ANTXR1: variants seen among roughly 807,000 people sequenced by gnomAD.
ANTXR1 encodes anthrax toxin receptor 1.
ANTXR1 carries 19 observed loss-of-function variants against 78.1 expected under a neutral mutation model. The ratio of observed to expected loss-of-function variants is 0.24; its 90% CI spans 0.17 to 0.36. The LOEUF is 0.36. Among genes scored for constraint, ANTXR1 ranks in the 10% least tolerant of loss-of-function variants. The probability of loss-of-function intolerance (pLI) is 1.00; values close to 1 mark genes in which losing one functional copy is unlikely to be tolerated. For missense variants in ANTXR1, 518 were observed against 718.6 expected, an observed-to-expected ratio of 0.72 and a Z score of 3.19; for synonymous variants, 273 against 260.5, an observed-to-expected ratio of 1.05 and a Z score of -0.46.
At chr2:69,238,660 A>T (rs1675827330) in intron 17 of ANTXR1, among the ~76,000 whole-genome samples, 1 of 152,228 alleles carries the variant, frequency 6.6e-6, no homozygotes, top group Admixed American at 6.5e-5. Flanking sequence ...TGGGAAACCT[A>T]ATTCATTAGT....
chr2:69,159,725 C>G (rs1673627350), intron 13 of ANTXR1, among the ~76,000 whole-genome samples: 1 of 152,104 alleles, frequency 6.6e-6, no homozygotes, highest in South Asian at 2.1e-4. Context: ...AAATTGTTCT[C>G]CCTGTCTTGT....
chr2:69,134,717 C>T (rs1219138123), intron 12 of ANTXR1, among the ~76,000 whole-genome samples: 1 of 152,196 alleles, frequency 6.6e-6, no homozygotes, highest in Non-Finnish European at 1.5e-5. Context: ...GTTGGTGATA[C>T]TGGAGACAAC....
intron 12 of ANTXR1, among the ~76,000 whole-genome samples, chr2:69,143,328 GGGAAGGAAGAGA>G (rs1401658432): frequency 1.3e-5 from 2 of 152,180 alleles, no homozygotes. Flanking sequence ...TGTCATATTG[GGGAAGGAAGAGA>G]GGGAGGAAAA....
intron 13 of ANTXR1, among the ~76,000 whole-genome samples, chr2:69,160,052 C>T (rs1156259813): frequency 6.6e-6 from 1 of 152,240 alleles, no homozygotes; most frequent in Non-Finnish European, 1.5e-5. Context: ...CAGGCAACTT[C>T]TGATGCAGGC....
rs112183927 is a variant in ANTXR1, at chr2:69,124,202, T to C, written c.873-363T>C. ...TTATAGTTAGCCCAGTCTACCCCCA[T>C]TGACTTGGACTATTTTTGAAGAATA... On this transcript the variant is annotated intron_variant, in intron 11 of 17. Coordinates refer to ENST00000303714, the MANE Select transcript of ANTXR1 (RefSeq NM_032208.3). Among the ~76,000 whole-genome samples the C allele has an allele frequency of 9.3e-4, 142 of 152,302 alleles. 1 individual carries two copies. The highest frequency in any genetic ancestry group is 1.5e-3 in the South Asian group (7 of 4,826).
intron 1 of ANTXR1, among the ~76,000 whole-genome samples, chr2:69,032,519 C>T (rs978560910): frequency 2.6e-5 from 4 of 152,130 alleles, no homozygotes; most frequent in Non-Finnish European, 5.9e-5. Context: ...CGATGTTGAC[C>T]CATCCCCCTT....
At chr2:69,098,699 A>G (rs1671507793) in intron 9 of ANTXR1, among the ~76,000 whole-genome samples, 2 of 152,216 alleles carry the variant, frequency 1.3e-5, no homozygotes, top group Non-Finnish European at 2.9e-5. Flanking sequence ...AAAAGGTACA[A>G]TTCAGGCCAG....
At chr2:69,020,394 CTGTTTTGTTTTGTTTTGTTT>C (rs57902226) in intron 1 of ANTXR1, among the ~76,000 whole-genome samples, 2 of 151,186 alleles carry the variant, frequency 1.3e-5, no homozygotes, top group South Asian at 4.2e-4. Context: ...TAAGGCAAAA[CTGTTTTGTTTTGTTTTGTTT>C]TGTTTTGTTT....
chr2:69,234,096 G>C (rs1408195845), intron 17 of ANTXR1, among the ~76,000 whole-genome samples: 2 of 152,144 alleles, frequency 1.3e-5, no homozygotes, highest in African/African-American at 4.8e-5. Flanking sequence ...CTAAGTTATT[G>C]TTTGGAAGAA....
At chr2:69,089,479 G>A (rs920241602) in intron 8 of ANTXR1, among the ~76,000 whole-genome samples, 1 of 152,150 alleles carries the variant, frequency 6.6e-6, no homozygotes, top group African/African-American at 2.4e-5. Context: ...AGAAAGCTTG[G>A]AACTAAGTCC....
intron 10 of ANTXR1, chr2:69,103,859 G>C (rs1255929568): frequency 6.5e-6 from 1 of 152,854 alleles, no homozygotes; most frequent in East Asian, 1.9e-4. Flanking sequence ...AGCCCTGAGA[G>C]GTAAAGAGAG....
chr2:69,015,077 A>C (rs1481827727), intron 1 of ANTXR1, among the ~76,000 whole-genome samples: 2 of 151,844 alleles, frequency 1.3e-5, no homozygotes, highest in Non-Finnish European at 2.9e-5. Flanking sequence ...AATCTAAAAA[A>C]AAAAAAAAAG....
intron 17 of ANTXR1, among the ~76,000 whole-genome samples, chr2:69,238,370 C>T (rs1339662396): frequency 2.6e-5 from 4 of 152,150 alleles, no homozygotes; most frequent in Non-Finnish European, 5.9e-5. Context: ...GTCTGCAGCA[C>T]CTTTGAGGAC....
intron 14 of ANTXR1, among the ~76,000 whole-genome samples, chr2:69,180,415 A>G (rs770468413): frequency 6.6e-6 from 1 of 152,222 alleles, no homozygotes; most frequent in Non-Finnish European, 1.5e-5. Flanking sequence ...ATCCATGACT[A>G]TAAATGGTGA....
At chr2:69,088,479 C>G (rs1671126376) in intron 8 of ANTXR1, among the ~76,000 whole-genome samples, 1 of 152,176 alleles carries the variant, frequency 6.6e-6, no homozygotes, top group Non-Finnish European at 1.5e-5. Flanking sequence ...TAATAAGTTT[C>G]TCCCTCTGGG....
At chr2:69,136,883 T>A (rs1672922137) in intron 12 of ANTXR1, among the ~76,000 whole-genome samples, 1 of 152,190 alleles carries the variant, frequency 6.6e-6, no homozygotes, top group Non-Finnish European at 1.5e-5. Flanking sequence ...AACTGTGTAC[T>A]TGCTTGTCAA....
chr2:69,086,251 T>C (rs764217038), intron 8 of ANTXR1, among the ~76,000 whole-genome samples: 2 of 152,234 alleles, frequency 1.3e-5, no homozygotes, highest in Non-Finnish European at 2.9e-5. Flanking sequence ...TATTCACAGT[T>C]CTGTAAAGAT....
At chr2:69,089,773 A>G (rs1057255376) in intron 8 of ANTXR1, among the ~76,000 whole-genome samples, 3 of 152,208 alleles carry the variant, frequency 2.0e-5, no homozygotes, top group Non-Finnish European at 4.4e-5. Flanking sequence ...TGCCCTTTTC[A>G]AGAATAGAGA....
chr2:69,173,815 A>G (rs576417287), intron 14 of ANTXR1, among the ~76,000 whole-genome samples: 1 of 152,300 alleles, frequency 6.6e-6, no homozygotes, highest in East Asian at 1.9e-4. Context: ...TCAGACACAC[A>G]CAGACCTACA....
Sources: gnomAD v4.1 joint callset for allele counts (sites outside exome capture counted in the v4.1 genomes callset) on GRCh38, gnomAD v4.1.1 for gene constraint, MANE v1.5 for transcripts, NCBI Gene and HGNC (gene_info 2026-07-23, HGNC 2026-07-21) for gene names.